The following NEGR1 variants were observed in gnomAD, a reference collection of about 807,000 sequenced individuals.
NEGR1 encodes IgLON family member 4.
In NEGR1, 10 loss-of-function variants were observed where a neutral mutation model predicts 40.9. The ratio of observed to expected loss-of-function variants is 0.24; its 90% confidence interval spans 0.15 to 0.42. The LOEUF (loss-of-function observed/expected upper bound fraction) is 0.42, where lower values mean the gene tolerates loss of function less well. NEGR1 is among the 10% of genes least tolerant of loss of function. The pLI is 1.00. For synonymous variants in NEGR1, 185 were observed against 166.8 expected (o/e 1.11, Z -0.84); for missense variants, 352 against 438.9 (o/e 0.80, Z 1.77).
At chr1:72,171,891 C>A (rs372469438) in intron 1 of NEGR1, among the ~76,000 whole-genome samples, 1 of 152,152 alleles carries the variant, frequency 6.6e-6, no homozygotes, top group East Asian at 1.9e-4. Context: ...ATTTTTTTCT[C>A]AGGTCATTAA....
intron 6 of NEGR1, among the ~76,000 whole-genome samples, chr1:71,435,911 TC>T (rs1458965525): frequency 6.6e-6 from 1 of 152,164 alleles, no homozygotes; most frequent in Non-Finnish European, 1.5e-5. Flanking sequence ...GTGGTCTGCT[TC>T]CTCCTCAATA....
Sources: allele counts gnomAD v4.1 joint callset (sites outside exome capture counted in the v4.1 genomes callset), GRCh38; gene constraint gnomAD v4.1.1; transcripts MANE v1.5; gene names NCBI Gene and HGNC (gene_info 2026-07-23, HGNC 2026-07-21).